The following CAD variants were observed in gnomAD, a reference collection of about 807,000 sequenced individuals.
CAD encodes the protein carbamoyl-phosphate synthetase 2, aspartate transcarbamylase, and dihydroorotase, also known as multifunctional protein CAD.
A neutral mutation model predicts 237.2 loss-of-function variants in CAD; 81 were observed. That is an observed-to-expected ratio of 0.34 (90% CI 0.29 to 0.41). CAD has a LOEUF of 0.41. CAD is among the 10% of genes least tolerant of loss of function. The probability of loss-of-function intolerance (pLI) is 1.00; values close to 1 mark genes in which losing one functional copy is unlikely to be tolerated. For synonymous variants in CAD, 1,196 were observed against 1,162.8 expected, an observed-to-expected ratio of 1.03 and a Z score of -0.58; for missense variants, 2,181 against 2,951.7, an observed-to-expected ratio of 0.74 and a Z score of 6.05.
chr2:27,240,909 A>G lies in CAD; in HGVS notation c.5594-2A>G. On this transcript the variant is annotated splice_acceptor_variant, in intron 35 of 43. Coordinates refer to ENST00000264705, the MANE Select transcript of CAD (RefSeq NM_004341.5). LOFTEE classifies it high-confidence loss of function. The surrounding 1 kb of genome is among the most constrained non-coding windows in gnomAD (Gnocchi z 4.6). ...ATATCTGTCCTCTTGTCCTGTTTGC[A>G]GCTGAGGAGCCAAAGGAGAAGTCCT... is the stretch of plus-strand genomic sequence containing the variant. 1 of 1,614,030 alleles carries G rather than the reference A, an allele frequency of 6.2e-7. No individual in the cohort carries two copies.
chr2:27,223,040 G>T lies in CAD; in HGVS notation c.809+3G>T. On this transcript the variant is annotated splice_donor_region_variant and intron_variant, in intron 6 of 43. Transcript: ENST00000264705. ...GGGGCCAAGACTTACAAGATGAGGT[G>T]GGACTTGTGGGGAGCAGAAGGGGCC... 1 of 1,614,042 alleles carries T rather than the reference G, an allele frequency of 6.2e-7. No homozygotes were observed. Among genetic ancestry groups the T allele is most frequent in the Non-Finnish European group, 8.5e-7 (1 of 1,179,938 alleles).
At chr2:27,225,638 A>T in intron 11 of CAD, 67 bp from the exon 12 acceptor site, 1 of 1,178,218 alleles carries the variant, frequency 8.5e-7, no homozygotes. Flanking sequence ...ATCTTTTTTT[A>T]TGTGGGACAG....
chr2:27,222,820 G>A, intron 5 of CAD, 46 bp from the exon 6 acceptor site: 2 of 1,602,014 alleles, frequency 1.2e-6, no homozygotes, highest in East Asian at 2.2e-5. Context: ...TGTGTCTCCT[G>A]TAATTGAAAT....
At chr2:27,222,789 A>G in intron 5 of CAD, 77 bp from the exon 6 acceptor site, 1 of 1,572,228 alleles carries the variant, frequency 6.4e-7, no homozygotes, top group Non-Finnish European at 8.7e-7. Context: ...TAACACTCTC[A>G]TGGGCTGGGG....
In CAD at chr2:27,240,597, C is replaced by T; in HGVS notation, c.5593+236C>T. On this transcript the variant is annotated intron_variant, in intron 35 of 43. Coordinates refer to ENST00000264705, the MANE Select transcript of CAD (RefSeq NM_004341.5). This position sits in a 1 kb window ranked among gnomAD's most constrained non-coding sequence, Gnocchi z 4.6. The stretch of plus-strand genomic sequence containing the variant: ...TTCCTCCGCCCAGGAGCTGGGATCC[C>T]ACGGGGCAGCAGAGCGTGGGGTAAA... The T allele has an allele frequency of 1.3e-6, 2 of 1,544,950 alleles. No homozygotes were observed. Among genetic ancestry groups the T allele is most frequent in the Non-Finnish European group, 1.7e-6 (2 of 1,143,800 alleles).
At chr2:27,219,886 G>A (rs1020419237) in intron 2 of CAD, among the ~76,000 whole-genome samples, 1 of 152,140 alleles carries the variant, frequency 6.6e-6, no homozygotes, top group Admixed American at 6.5e-5. Flanking sequence ...ACCGCGCCTG[G>A]CCTTTTCTTT....
In CAD at chr2:27,242,728, A is replaced by G. The variant is rs767383024; in HGVS notation, c.6331A>G (p.Met2111Val). ...LRYVAPPSLRMPPTVRAFVAS... is the reference protein window; with the variant it reads ...LRYVAPPSLRVPPTVRAFVAS... ...CTACGTGGCACCTCCCAGCCTGCGCATGCCACCCACTGTGCGGGCCTTCGT... is the reference window on the plus strand; with the variant it reads ...CTACGTGGCACCTCCCAGCCTGCGCGTGCCACCCACTGTGCGGGCCTTCGT... Residue 2111 changes from methionine to valine, a missense_variant, in exon 41 of 44, where the codon ATG (methionine) becomes GTG (valine). By Grantham distance (21) the Met-to-Val change is conservative. Transcript: ENST00000264705. This position sits in a 1 kb window ranked among gnomAD's most constrained non-coding sequence, Gnocchi z 6.4. The G allele has an allele frequency of 1.9e-6, 3 of 1,614,182 alleles. No homozygotes were observed. The South Asian group carries it at 3.3e-5, about 18-fold the overall frequency.
chr2:27,217,982 C>T lies in CAD; in HGVS notation c.188C>T (p.Pro63Leu), dbSNP rs1169391201. The T allele has an allele frequency of 6.8e-6, 11 of 1,611,766 alleles. No individual in the cohort carries two copies. The highest frequency in any genetic ancestry group is 1.3e-5 in the African/African-American group (1 of 74,914). Residue 63 changes from proline to leucine, a missense_variant, in exon 2 of 44, where the codon CCC becomes CTC. Pro to Leu is a moderately conservative substitution (Grantham distance 98, BLOSUM62 -3). This residue lies in a region of CAD where 314 missense variants were observed against 339.4 expected (regional missense o/e 0.93). Coordinates refer to ENST00000264705, the MANE Select transcript of CAD (RefSeq NM_004341.5). ...TYPLIGNYGI[P>L]PDEMDEFGLC... ...CCTCTGATCGGCAACTATGGCATCC[C>T]CCCAGATGAAATGGATGAGTTCGGT...
rs1676046473 is a variant in CAD, at chr2:27,237,038, T to TA, written c.4396+208_4396+209insA. On this transcript the variant is annotated intron_variant, in intron 27 of 43. Coordinates refer to ENST00000264705, the MANE Select transcript of CAD (RefSeq NM_004341.5). This position sits in a 1 kb window ranked among gnomAD's most constrained non-coding sequence, Gnocchi z 4.0. The stretch of plus-strand genomic sequence containing the variant: ...AGGAATTTTTTTTTTTTTTTTTTTT[T>TA]TGAGACAGAGTCTTACTCCATCGCC... Among the ~76,000 whole-genome samples, 1 of 151,128 alleles carries TA rather than the reference T, an allele frequency of 6.6e-6. No individual in the cohort carries two copies. Among genetic ancestry groups the TA allele is most frequent in the Non-Finnish European group, 1.5e-5 (1 of 67,830 alleles).
chr2:27,235,452 C>A lies in CAD; in HGVS notation c.3969+25C>A. On this transcript the variant is annotated intron_variant, in intron 24 of 43. Coordinates refer to ENST00000264705, the MANE Select transcript of CAD (RefSeq NM_004341.5). The surrounding 1 kb of genome is among the most constrained non-coding windows in gnomAD (Gnocchi z 5.2). ...GGTATCAGAATCCAGGAGGGCTTCC[C>A]GAGGGCCGTGGCTCCCTGGGCCAGG... 2 of 1,607,736 alleles carry A rather than the reference C, an allele frequency of 1.2e-6. No homozygotes were observed. Among genetic ancestry groups the A allele is most frequent in the African/African-American group, 2.7e-5 (2 of 74,862 alleles).
At chr2:27,227,966 A>G (rs1473098376) in intron 15 of CAD, among the ~76,000 whole-genome samples, 1 of 152,254 alleles carries the variant, frequency 6.6e-6, no homozygotes, top group Admixed American at 6.5e-5. Flanking sequence ...GCATATGTGT[A>G]TGCATGTATT....
chr2:27,229,628 A>G (rs905621082), intron 15 of CAD, among the ~76,000 whole-genome samples: 4 of 152,158 alleles, frequency 2.6e-5, no homozygotes, highest in African/African-American at 9.7e-5. Context: ...CTGTAATCCC[A>G]GCACATTGGG....
Position 27,239,988 on chromosome 2 carries a change from C to A in CAD, c.5496+190C>A. ...AGATGTGGTGGCTCACACTTGTAAT[C>A]CCAGCACTTTGGGAGGCCAAGGCAG... On this transcript the variant is annotated intron_variant, in intron 34 of 43. Transcript: ENST00000264705. The surrounding 1 kb of genome is among the most constrained non-coding windows in gnomAD (Gnocchi z 4.0). 1 of 598,288 alleles carries A rather than the reference C, an allele frequency of 1.7e-6. No homozygotes were observed. The highest frequency in any genetic ancestry group is 2.9e-6 in the Non-Finnish European group (1 of 346,514). 37.1% of individuals were successfully genotyped at this position (598,288 alleles called of 1,614,324 possible). A position where few individuals can be genotyped will look rare whatever the true frequency, so the allele number is the denominator to read the frequency against.
chr2:27,232,015 G>T lies in CAD; in HGVS notation c.2436G>T (p.Val812=). ...CTCCAACAGATAAGCGGATTTTTGTGGTGGCAGCTGCTTTGTGGGCTGGTT... is the reference window on the plus strand; with the variant it reads ...CTCCAACAGATAAGCGGATTTTTGTTGTGGCAGCTGCTTTGTGGGCTGGTT... ...LETPTDKRIF[V]VAAALWAGYS... The change falls in exon 17 of 44, where the codon GTG becomes GTT. Residue 812 remains valine, a synonymous_variant. Coordinates refer to ENST00000264705, the MANE Select transcript of CAD (RefSeq NM_004341.5). This position sits in a 1 kb window ranked among gnomAD's most constrained non-coding sequence, Gnocchi z 4.1. The T allele has an allele frequency of 6.2e-7, 1 of 1,614,224 alleles. No homozygotes were observed. Among genetic ancestry groups the T allele is most frequent in the Non-Finnish European group, 8.5e-7 (1 of 1,180,034 alleles).
Position 27,217,444 on chromosome 2 carries a change from C to A in CAD, c.-108C>A. 1.0e-6 allele frequency: 1 copy of A among 959,852 alleles called. No homozygotes were observed. Among genetic ancestry groups the A allele is most frequent in the Non-Finnish European group, 1.6e-6 (1 of 611,550 alleles). 59.5% of individuals were successfully genotyped at this position (959,852 alleles called of 1,614,324 possible). On this transcript the variant is annotated 5_prime_UTR_variant, in exon 1 of 44. Coordinates refer to ENST00000264705, the MANE Select transcript of CAD (RefSeq NM_004341.5). ...CCGGCTTCTCTCCAGCGCCCCGCGC[C>A]GTTAGCCACGTGGACCGACTCCGGC...
chr2:27,228,323 C>T (rs1341478025), intron 15 of CAD, among the ~76,000 whole-genome samples: 1 of 152,194 alleles, frequency 6.6e-6, no homozygotes, highest in African/African-American at 2.4e-5. Flanking sequence ...TATTATGAAG[C>T]ACAGACTTCT....
intron 23 of CAD, 131 bp downstream of exon 23, chr2:27,234,816 G>A (rs565581272): frequency 7.0e-6 from 6 of 859,840 alleles, no homozygotes; most frequent in South Asian, 1.7e-5. Context: ...GTAATGAGGT[G>A]GTCATTGTCC....
chr2:27,236,746 C>T lies in CAD; in HGVS notation c.4315-3C>T, dbSNP rs867496821. The T allele has an allele frequency of 6.8e-6, 11 of 1,613,876 alleles. No individual in the cohort carries two copies. In the African/African-American group the frequency reaches 9.3e-5, roughly 14 times the overall value. ...CTTAAAGCTGACTGCTTTCCACTTG[C>T]AGGCCCTAGGCCAGATCGGGCCAGC... On this transcript the variant is annotated splice_region_variant and splice_polypyrimidine_tract_variant and intron_variant, in intron 26 of 43. Transcript: ENST00000264705. This position sits in a 1 kb window ranked among gnomAD's most constrained non-coding sequence, Gnocchi z 4.1.
rs5830040 is a variant in CAD, at chr2:27,243,390, CTTTTTTTTTTTT to C, written c.6576-16_6576-5del. The C allele has an allele frequency of 1.5e-6, 2 of 1,378,502 alleles. No homozygotes were observed. Among genetic ancestry groups the C allele is most frequent in the South Asian group, 1.3e-5 (1 of 78,588 alleles). 85.4% of individuals were successfully genotyped at this position (1,378,502 alleles called of 1,614,324 possible). ...TCCATGGGCTGCACGATAACACTTC[CTTTTTTTTTTTT>C]TTTTTTTTTGCAGCGTGGAAGTGGA... On this transcript the variant is annotated splice_polypyrimidine_tract_variant and intron_variant, in intron 43 of 43. Coordinates refer to ENST00000264705, the MANE Select transcript of CAD (RefSeq NM_004341.5).
Sources: gnomAD v4.1 joint callset for allele counts (sites outside exome capture counted in the v4.1 genomes callset) on GRCh38, gnomAD v4.1.1 for gene constraint, gnomAD v4.1.1 regional missense constraint, Gnocchi (gnomAD v3.1) non-coding constraint, MANE v1.5 for transcripts, NCBI Gene and HGNC (gene_info 2026-07-23, HGNC 2026-07-21) for gene names.